Variants in CLASP1 observed in about 807,000 individuals in gnomAD.
CLASP1 encodes cytoplasmic linker associated protein 1.
A neutral mutation model predicts 192.3 loss-of-function variants in CLASP1; 38 were observed. The observed-to-expected ratio is 0.20, with a 90% CI of 0.15 to 0.26. The LOEUF (loss-of-function observed/expected upper bound fraction) is 0.26, where lower values mean the gene tolerates loss of function less well. CLASP1 is among the 10% of genes least tolerant of loss of function. The pLI, the probability that CLASP1 is intolerant of heterozygous loss-of-function variation, is 1.00. For missense variants in CLASP1, 1,433 were observed against 1,932.5 expected, an observed-to-expected ratio of 0.74 and a Z score of 4.85; for synonymous variants, 691 against 712.8, an observed-to-expected ratio of 0.97 and a Z score of 0.49.
intron 1 of CLASP1, among the ~76,000 whole-genome samples, chr2:121,613,038 G>T (rs2065871973): frequency 6.6e-6 from 1 of 152,202 alleles, no homozygotes; most frequent in Admixed American, 6.5e-5. Flanking sequence ...AGTAGAGGAG[G>T]TGACAATAGC....
intron 16 of CLASP1, among the ~76,000 whole-genome samples, chr2:121,450,685 TAA>T (rs995597832): frequency 2.0e-5 from 3 of 152,156 alleles, no homozygotes; most frequent in Admixed American, 6.5e-5. Flanking sequence ...GTGACGAATG[TAA>T]AAAACGAGCA....
At chr2:121,402,306 A>G (rs2076255943) in intron 26 of CLASP1, among the ~76,000 whole-genome samples, 1 of 152,228 alleles carries the variant, frequency 6.6e-6, no homozygotes, top group Non-Finnish European at 1.5e-5. Flanking sequence ...CATAATCATC[A>G]TGCTGTTGTG....
chr2:121,346,273 T>C (rs1161729534), intron 39 of CLASP1, among the ~76,000 whole-genome samples: 1 of 152,224 alleles, frequency 6.6e-6, no homozygotes, highest in Non-Finnish European at 1.5e-5. Flanking sequence ...GCCTCCTCTC[T>C]GGGAACCAAG....
At chr2:121,526,424 T>C (rs1449594895) in intron 5 of CLASP1, among the ~76,000 whole-genome samples, 3 of 152,208 alleles carry the variant, frequency 2.0e-5, no homozygotes, top group Non-Finnish European at 2.9e-5. Flanking sequence ...CTGGGGCACA[T>C]TTGAGTTACA....
intron 2 of CLASP1, among the ~76,000 whole-genome samples, chr2:121,533,226 G>A (rs1014474817): frequency 6.6e-5 from 10 of 152,280 alleles, no homozygotes; most frequent in Non-Finnish European, 1.3e-4. Flanking sequence ...GAGCCCCAGA[G>A]AAATAGGACA....
chr2:121,455,141 C>T (rs1419492281), intron 14 of CLASP1, among the ~76,000 whole-genome samples: 1 of 152,158 alleles, frequency 6.6e-6, no homozygotes, highest in Non-Finnish European at 1.5e-5. Context: ...GATTGCATTC[C>T]CTGGGGTACG....
chr2:121,516,804 A>G (rs980637632), intron 6 of CLASP1, among the ~76,000 whole-genome samples: 5 of 151,792 alleles, frequency 3.3e-5, no homozygotes, highest in Non-Finnish European at 7.4e-5. Flanking sequence ...CGAAGCGGGC[A>G]GATCACGAGG....
chr2:121,400,318 G>C (rs2149454677), intron 28 of CLASP1, among the ~76,000 whole-genome samples: 1 of 152,124 alleles, frequency 6.6e-6, no homozygotes, highest in African/African-American at 2.4e-5. Context: ...CAGAATTCTA[G>C]AGCAATGCAA....
chr2:121,462,213 TAA>T lies in CLASP1; in HGVS notation c.939+317_939+318del, dbSNP rs111804351. ...ACCAAAATCCTTCAAACTTATGAAT[TAA>T]AAAAAAAAAAAATCCCTAAATAAAT... On this transcript the variant is annotated intron_variant, in intron 10 of 39. Coordinates refer to ENST00000263710, the Ensembl canonical transcript of CLASP1. 6.9e-3 allele frequency among the ~76,000 whole-genome samples: 997 copies of T among 144,174 alleles called. 14 individuals carry two copies. Among genetic ancestry groups the T allele is most frequent in the African/African-American group, 0.024 (951 of 39,556 alleles). The allele number at this position is 144,174 out of a possible 152,430, so 94.6% of individuals were successfully genotyped here.
intron 2 of CLASP1, among the ~76,000 whole-genome samples, chr2:121,536,058 T>A (rs1369040829): frequency 2.0e-5 from 3 of 151,872 alleles, no homozygotes; most frequent in Non-Finnish European, 1.5e-5. Context: ...ATGGTAGAGT[T>A]GTTGTGGAAA....
intron 35 of CLASP1, among the ~76,000 whole-genome samples, chr2:121,366,531 T>G (rs1426373043): frequency 6.6e-6 from 1 of 152,246 alleles, no homozygotes. Flanking sequence ...GGCATCTGCC[T>G]CCAGCACAGG....
At chr2:121,384,151 C>A (rs1309120129) in intron 32 of CLASP1, among the ~76,000 whole-genome samples, 1 of 139,570 alleles carries the variant, frequency 7.2e-6, no homozygotes, top group East Asian at 2.0e-4. Context: ...TATATACACA[C>A]ACACACATAT....
At chr2:121,528,824 G>T in intron 3 of CLASP1, 44 bp from the exon 4 acceptor site, 1 of 1,454,922 alleles carries the variant, frequency 6.9e-7, no homozygotes. Context: ...CCCTATTTGG[G>T]GGTCTGTGGT....
intron 2 of CLASP1, among the ~76,000 whole-genome samples, chr2:121,605,483 A>G (rs563637578): frequency 6.6e-6 from 1 of 152,362 alleles, no homozygotes; most frequent in South Asian, 2.1e-4. Context: ...CCTTCTGTCA[A>G]AGTGCTAAAG....
rs777809365 is a variant in CLASP1, at chr2:121,367,610, G to A, written c.3864C>T (p.Asp1288=). The change falls in exon 35 of 40, where the codon GAC becomes GAT. Residue 1288 remains aspartate, a synonymous_variant. Coordinates refer to ENST00000263710, the Ensembl canonical transcript of CLASP1. ...AACCGTCTCGAAGCTGCTCCATGTC[G>A]TCATCGAACACAGCCTCTTTCAGGG... 46 of 1,613,896 alleles carry A rather than the reference G, an allele frequency of 2.9e-5. No individual in the cohort carries two copies. The East Asian group carries it at 3.1e-4, about 11-fold the overall frequency.
chr2:121,534,394 C>T (rs1266595181), intron 2 of CLASP1, among the ~76,000 whole-genome samples: 1 of 152,208 alleles, frequency 6.6e-6, no homozygotes, highest in African/African-American at 2.4e-5. Flanking sequence ...ATCCTAATCC[C>T]TGACATCAGA....
At chr2:121,634,013 A>AC (rs1195310198) in intron 1 of CLASP1, among the ~76,000 whole-genome samples, 1 of 150,848 alleles carries the variant, frequency 6.6e-6, no homozygotes, top group Non-Finnish European at 1.5e-5. Flanking sequence ...AAAAAAAAAA[A>AC]CCAGACCCCA....
At position 121,573,180 on chromosome 2, in the gene CLASP1, G is replaced by C. The variant is rs575534811; in HGVS notation, c.195+32521C>G. On this transcript the variant is annotated intron_variant, in intron 2 of 39. Coordinates refer to ENST00000263710, the Ensembl canonical transcript of CLASP1. Reference sequence around the variant, plus strand: ...TTGCCATGTTGCCCAGGCTGGTCTTGAACTCCTGACCTCAGGTGATTCACC... The same window carrying C: ...TTGCCATGTTGCCCAGGCTGGTCTTCAACTCCTGACCTCAGGTGATTCACC... Among the ~76,000 whole-genome samples the C allele has an allele frequency of 2.6e-5, 4 of 152,224 alleles. No homozygotes were observed. In the East Asian group the frequency reaches 7.7e-4, roughly 29 times the overall value.
rs70954553 is a variant in CLASP1 at position 121,517,858 on chromosome 2, C to CTTTTTTTTTTT, written c.547-2107_547-2097dup. On this transcript the variant is annotated intron_variant, in intron 6 of 39. Coordinates refer to ENST00000263710, the Ensembl canonical transcript of CLASP1. ...CCTCAGAGACAAAGCAAGACTCAAG[C>CTTTTTTTTTTT]TTTTTTTTTTTTTTTTTTTTTTTTT... Among the ~76,000 whole-genome samples, 45 of 30,820 alleles carry CTTTTTTTTTTT rather than the reference C, an allele frequency of 1.5e-3. 9 individuals carry two copies. The highest frequency in any genetic ancestry group is 6.4e-3 in the African/African-American group (44 of 6,910). 20.2% of individuals were successfully genotyped at this position (30,820 alleles called of 152,430 possible).
Sources: gnomAD v4.1 joint callset for allele counts (sites outside exome capture counted in the v4.1 genomes callset) on GRCh38, gnomAD v4.1.1 for gene constraint, MANE v1.5 for transcripts, NCBI Gene and HGNC (gene_info 2026-07-23, HGNC 2026-07-21) for gene names.